ANKFN1: variants seen among roughly 807,000 people sequenced by gnomAD.
ANKFN1 encodes ankyrin repeat and fibronectin type III domain containing 1.
In ANKFN1, 74 loss-of-function variants were observed where a neutral mutation model predicts 108.7. That is an observed-to-expected ratio of 0.68 (90% confidence interval 0.56 to 0.83). The LOEUF (loss-of-function observed/expected upper bound fraction) is 0.83. Ranked by LOEUF, ANKFN1 falls within the 40% of genes least tolerant of loss-of-function variation. The probability of loss-of-function intolerance (pLI) is 0.00; values close to 1 mark genes in which losing one functional copy is unlikely to be tolerated. For missense variants in ANKFN1, 1,505 were observed against 1,382.3 expected (o/e 1.09, Z -1.41); for synonymous variants, 547 against 516.2 (o/e 1.06, Z -0.81).
chr17:56,195,932 A>C (rs1913463814), intron 1 of ANKFN1, among the ~76,000 whole-genome samples: 1 of 152,218 alleles, frequency 6.6e-6, no homozygotes, highest in Admixed American at 6.5e-5. Context: ...CAAATATTTT[A>C]ACACTACTTA....
intron 1 of ANKFN1, among the ~76,000 whole-genome samples, chr17:56,187,360 G>T (rs1384513950): frequency 6.6e-6 from 1 of 152,178 alleles, no homozygotes; most frequent in Non-Finnish European, 1.5e-5. Context: ...GGCCATCAGA[G>T]AAATGCAAAT....
At chr17:56,469,347 A>C (rs1326439571) in intron 15 of ANKFN1, among the ~76,000 whole-genome samples, 1 of 151,996 alleles carries the variant, frequency 6.6e-6, no homozygotes, top group Non-Finnish European at 1.5e-5. Context: ...CCTAGACTTA[A>C]GATTTAATTA....
At chr17:56,098,438 A>ACACG (rs975739758) in intron 4 of ANKFN1, among the ~76,000 whole-genome samples, 5 of 132,860 alleles carry the variant, frequency 3.8e-5, no homozygotes, top group East Asian at 2.0e-4. Context: ...ACACACACAC[A>ACACG]CGCGCGCGCA....
chr17:56,224,443 T>G (rs796209019), intron 2 of ANKFN1, among the ~76,000 whole-genome samples: 7 of 152,356 alleles, frequency 4.6e-5, no homozygotes, highest in African/African-American at 1.7e-4. Context: ...TAGATTATTG[T>G]GTATCATAAA....
At chr17:56,101,677 C>T (rs187416592) in intron 4 of ANKFN1, among the ~76,000 whole-genome samples, 1 of 152,266 alleles carries the variant, frequency 6.6e-6, no homozygotes, top group East Asian at 1.9e-4. Context: ...CAGTTTGGAT[C>T]TAGTCAAATT....
chr17:56,510,595 G>A lies in ANKFN1; in HGVS notation c.2767G>A (p.Asp923Asn). 1.3e-6 allele frequency: 2 copies of A among 1,536,138 alleles called. No individual in the cohort carries two copies. The highest frequency in any genetic ancestry group is 1.7e-6 in the Non-Finnish European group (2 of 1,146,922). ...DLDLVYLSSH[D>N]IAQQTLSGLS... ...GGACCTGGTCTACCTATCATCTCAC[G>A]ACATTGCGCAGCAGACCCTTAGCGG... The change falls in exon 21 of 21, where the codon GAC (aspartate) becomes AAC (asparagine). Residue 923 changes from aspartate to asparagine, a missense_variant. Transcript: ENST00000682825.
At chr17:56,284,311 C>A (rs1197384556) in intron 3 of ANKFN1, among the ~76,000 whole-genome samples, 1 of 152,146 alleles carries the variant, frequency 6.6e-6, no homozygotes, top group East Asian at 1.9e-4. Flanking sequence ...AATTTCATTC[C>A]TAGGATACTG....
intron 3 of ANKFN1, among the ~76,000 whole-genome samples, chr17:56,310,998 C>G (rs1274164734): frequency 6.6e-6 from 1 of 152,190 alleles, no homozygotes; most frequent in Admixed American, 6.5e-5. Context: ...AGATGCTACA[C>G]TAGAGTGACG....
intron 8 of ANKFN1, among the ~76,000 whole-genome samples, chr17:56,382,246 G>T (rs1598493211): frequency 6.6e-6 from 1 of 151,874 alleles, no homozygotes; most frequent in Non-Finnish European, 1.5e-5. Context: ...CATAAGTGAA[G>T]GAGAAATAAA....
chr17:56,463,057 T>A (rs1428049859), intron 14 of ANKFN1, among the ~76,000 whole-genome samples: 2 of 152,230 alleles, frequency 1.3e-5, no homozygotes, highest in Non-Finnish European at 2.9e-5. Context: ...CCTTGTTTTC[T>A]GGGTTTCTGC....
intron 8 of ANKFN1, among the ~76,000 whole-genome samples, chr17:56,395,443 C>A (rs543783400): frequency 6.6e-6 from 1 of 152,156 alleles, no homozygotes; most frequent in Non-Finnish European, 1.5e-5. Flanking sequence ...TAGGTGTCAG[C>A]CTCCCAAAGA....
At chr17:56,270,160 G>A (rs934078295) in intron 3 of ANKFN1, among the ~76,000 whole-genome samples, 1 of 152,128 alleles carries the variant, frequency 6.6e-6, no homozygotes, top group Non-Finnish European at 1.5e-5. Context: ...CACTTAAAGA[G>A]CCTAGTGGAC....
intron 4 of ANKFN1, among the ~76,000 whole-genome samples, chr17:56,049,009 C>A (rs1904728310): frequency 6.6e-6 from 1 of 152,176 alleles, no homozygotes; most frequent in African/African-American, 2.4e-5. Context: ...AGTGCATGTG[C>A]TTTAGTGATG....
chr17:56,387,639 A>G lies in ANKFN1; in HGVS notation c.910+12925A>G, dbSNP rs192217980. On this transcript the variant is annotated intron_variant, in intron 8 of 20. Coordinates refer to ENST00000682825, the MANE Select transcript of ANKFN1 (RefSeq NM_001370326.1). Reference sequence around the variant, plus strand: ...GAGTGTGTAAACTCCATTAGGTTATAAAGTATGAATGTGTGTGTGTGTTGT... The same window carrying G: ...GAGTGTGTAAACTCCATTAGGTTATGAAGTATGAATGTGTGTGTGTGTTGT... Among the ~76,000 whole-genome samples the G allele has an allele frequency of 2.7e-3, 409 of 152,310 alleles. 1 individual carries two copies. The highest frequency in any genetic ancestry group is 9.2e-3 in the African/African-American group (382 of 41,576).
At chr17:56,365,383 C>G (rs2046632032) in intron 6 of ANKFN1, among the ~76,000 whole-genome samples, 1 of 152,050 alleles carries the variant, frequency 6.6e-6, no homozygotes, top group Admixed American at 6.5e-5. Flanking sequence ...AGTATAAGAT[C>G]AATGGATGTA....
intron 3 of ANKFN1, among the ~76,000 whole-genome samples, chr17:56,317,211 C>T (rs192527650): frequency 9.2e-5 from 14 of 152,146 alleles, no homozygotes; most frequent in Admixed American, 5.2e-4. Context: ...CTAGCATGAC[C>T]CCCTCACTTA....
At chr17:56,081,273 C>A (rs1161844154) in intron 4 of ANKFN1, among the ~76,000 whole-genome samples, 1 of 152,160 alleles carries the variant, frequency 6.6e-6, no homozygotes, top group African/African-American at 2.4e-5. Flanking sequence ...TTGGAAGAGG[C>A]CCAAGCTGGT....
intron 8 of ANKFN1, among the ~76,000 whole-genome samples, chr17:56,394,165 C>G (rs2047514141): frequency 6.6e-6 from 1 of 152,232 alleles, no homozygotes; most frequent in South Asian, 2.1e-4. Context: ...ACCCTTCTTT[C>G]AGTGAGCCTC....
At chr17:56,494,089 C>T (rs941260933) in intron 19 of ANKFN1, among the ~76,000 whole-genome samples, 9 of 152,144 alleles carry the variant, frequency 5.9e-5, no homozygotes, top group Admixed American at 4.6e-4. Context: ...AATTCTTTGA[C>T]ATATGAATAT....
Sources: allele counts gnomAD v4.1 joint callset (sites outside exome capture counted in the v4.1 genomes callset), GRCh38; gene constraint gnomAD v4.1.1; transcripts MANE v1.5; gene names NCBI Gene and HGNC (gene_info 2026-07-23, HGNC 2026-07-21).